The following TBC1D5 variants were observed in gnomAD, a reference collection of about 807,000 sequenced individuals.
The protein encoded by TBC1D5 is TBC1 domain family, member 5.
TBC1D5 carries 75 observed loss-of-function variants against 100.3 expected under a neutral mutation model. The ratio of observed to expected loss-of-function variants is 0.75; its 90% CI spans 0.62 to 0.91. TBC1D5 has a LOEUF of 0.91. TBC1D5 is among the 40% of genes least tolerant of loss of function. The pLI is 0.00. For synonymous variants in TBC1D5, 323 were observed against 325.6 expected, an observed-to-expected ratio of 0.99 and a Z score of 0.09; for missense variants, 910 against 942.4, an observed-to-expected ratio of 0.97 and a Z score of 0.45.
At chr3:17,673,904 C>T (rs1215971937) in intron 1 of TBC1D5, among the ~76,000 whole-genome samples, 2 of 152,246 alleles carry the variant, frequency 1.3e-5, no homozygotes, top group East Asian at 3.9e-4. Flanking sequence ...CCATGCAGAT[C>T]TCCTGAATGA....
intron 4 of TBC1D5, among the ~76,000 whole-genome samples, chr3:17,417,527 A>AT (rs577189802): frequency 6.6e-6 from 1 of 152,026 alleles, no homozygotes; most frequent in African/African-American, 2.4e-5. Flanking sequence ...TGAACTCATC[A>AT]TTTTTATGGC....
At chr3:17,406,594 C>T (rs549511347) in intron 4 of TBC1D5, 68 bp from the exon 5 acceptor site, 108 of 1,426,236 alleles carry the variant, frequency 7.6e-5, no homozygotes, top group Middle Eastern at 1.8e-4. Context: ...AGAAGTTCTA[C>T]GGGAAATTAA....
intron 13 of TBC1D5, among the ~76,000 whole-genome samples, chr3:17,339,540 T>C (rs1419675699): frequency 6.6e-6 from 1 of 152,200 alleles, no homozygotes; most frequent in African/African-American, 2.4e-5. Flanking sequence ...CTGAAGAAAT[T>C]TTACTTGACC....
At chr3:17,616,335 A>C (rs1409186213) in intron 2 of TBC1D5, among the ~76,000 whole-genome samples, 1 of 152,050 alleles carries the variant, frequency 6.6e-6, no homozygotes. Context: ...GAATAAGTAC[A>C]ATATGGTGCT....
chr3:17,432,187 T>C (rs1221213274), intron 3 of TBC1D5, among the ~76,000 whole-genome samples: 2 of 152,120 alleles, frequency 1.3e-5, no homozygotes, highest in Admixed American at 6.6e-5. Context: ...ATACACAGTC[T>C]GGGTGGGGTA....
intron 3 of TBC1D5, among the ~76,000 whole-genome samples, chr3:17,496,750 T>C (rs898981878): frequency 6.6e-6 from 1 of 152,192 alleles, no homozygotes; most frequent in Non-Finnish European, 1.5e-5. Flanking sequence ...ACTTGTTAAA[T>C]GCCTACCACC....
At chr3:17,193,956 C>G (rs1216647672) in intron 18 of TBC1D5, among the ~76,000 whole-genome samples, 2 of 152,130 alleles carry the variant, frequency 1.3e-5, no homozygotes, top group South Asian at 4.2e-4. Flanking sequence ...AATCTCATTC[C>G]TTATTTGGTA....
intron 13 of TBC1D5, among the ~76,000 whole-genome samples, chr3:17,358,413 C>CTT (rs2091414525): frequency 6.6e-6 from 1 of 151,880 alleles, no homozygotes; most frequent in Non-Finnish European, 1.5e-5. Flanking sequence ...CTTGAACTCC[C>CTT]GACCTCAGGT....
At chr3:17,633,837 C>T (rs2063689466) in intron 1 of TBC1D5, among the ~76,000 whole-genome samples, 1 of 152,114 alleles carries the variant, frequency 6.6e-6, no homozygotes, top group African/African-American at 2.4e-5. Flanking sequence ...CCCAACCCTT[C>T]TAGGAACTCC....
At chr3:17,566,519 T>G (rs1349188857) in intron 2 of TBC1D5, among the ~76,000 whole-genome samples, 2 of 152,030 alleles carry the variant, frequency 1.3e-5, no homozygotes, top group African/African-American at 4.8e-5. Flanking sequence ...TACTTTTTGC[T>G]ATAAAACACT....
At chr3:17,674,910 G>T (rs868190599) in intron 1 of TBC1D5, among the ~76,000 whole-genome samples, 1 of 151,938 alleles carries the variant, frequency 6.6e-6, no homozygotes, top group Non-Finnish European at 1.5e-5. Context: ...AACTACTCTT[G>T]AAAATGAATG....
intron 4 of TBC1D5, among the ~76,000 whole-genome samples, chr3:17,414,090 G>C (rs1228521150): frequency 2.0e-5 from 3 of 152,202 alleles, no homozygotes; most frequent in African/African-American, 7.2e-5. Context: ...ACAGCTCTCA[G>C]AGATGATCAT....
chr3:17,196,593 C>T (rs2070718831), intron 18 of TBC1D5, among the ~76,000 whole-genome samples: 1 of 152,170 alleles, frequency 6.6e-6, no homozygotes, highest in East Asian at 1.9e-4. Flanking sequence ...AGGGCTCCTG[C>T]AGAATTCTGA....
At chr3:17,475,254 T>TTACA (rs1483760077) in intron 3 of TBC1D5, among the ~76,000 whole-genome samples, 1 of 151,818 alleles carries the variant, frequency 6.6e-6, no homozygotes, top group African/African-American at 2.4e-5. Context: ...TCTTAAGACT[T>TTACA]TACATCTTCC....
intron 13 of TBC1D5, among the ~76,000 whole-genome samples, chr3:17,369,447 C>T (rs895091425): frequency 1.3e-4 from 20 of 151,992 alleles, no homozygotes; most frequent in African/African-American, 4.8e-4. Context: ...GAAGTAGGTA[C>T]CATTATTTTT....
intron 3 of TBC1D5, among the ~76,000 whole-genome samples, chr3:17,437,278 T>C (rs1424546818): frequency 2.0e-5 from 3 of 152,184 alleles, no homozygotes; most frequent in Admixed American, 1.3e-4. Context: ...TCAGTGATAT[T>C]CTGCTATGAT....
intron 17 of TBC1D5, among the ~76,000 whole-genome samples, chr3:17,234,762 G>A (rs1222585557): frequency 1.3e-5 from 2 of 152,028 alleles, no homozygotes; most frequent in African/African-American, 2.4e-5. Context: ...ATATACAGTA[G>A]TAAAAAAAAT....
At chr3:17,714,082 T>TC (rs2075012985) in intron 1 of TBC1D5, among the ~76,000 whole-genome samples, 1 of 152,150 alleles carries the variant, frequency 6.6e-6, no homozygotes, top group South Asian at 2.1e-4. Flanking sequence ...CTGTGTGTCT[T>TC]CCCTCTCTGG....
chr3:17,655,951 C>T (rs2066021632), intron 1 of TBC1D5, among the ~76,000 whole-genome samples: 1 of 152,180 alleles, frequency 6.6e-6, no homozygotes, highest in Non-Finnish European at 1.5e-5. Context: ...AAAGAAAATA[C>T]ATTTCTGTTT....
Sources: allele counts gnomAD v4.1 joint callset (sites outside exome capture counted in the v4.1 genomes callset), GRCh38; gene constraint gnomAD v4.1.1; transcripts MANE v1.5; gene names NCBI Gene and HGNC (gene_info 2026-07-23, HGNC 2026-07-21).